CORO2B: variants seen among roughly 807,000 people sequenced by gnomAD.
CORO2B encodes the protein coronin 2B.
A neutral mutation model predicts 58.8 loss-of-function variants in CORO2B; 26 were observed. The ratio of observed to expected loss-of-function variants is 0.44; its 90% confidence interval spans 0.32 to 0.61. The LOEUF (loss-of-function observed/expected upper bound fraction) is 0.61. Ranked by LOEUF, CORO2B falls within the 20% of genes least tolerant of loss-of-function variation. The probability of loss-of-function intolerance (pLI) is 0.04; values close to 1 mark genes in which losing one functional copy is unlikely to be tolerated. For missense variants in CORO2B, 460 were observed against 645.1 expected, an observed-to-expected ratio of 0.71 and a Z score of 3.11; for synonymous variants, 242 against 253.8, an observed-to-expected ratio of 0.95 and a Z score of 0.44.
rs527424101 is a variant in CORO2B, at chr15:68,681,997, C to T, written c.217-13143C>T. ...TCAGCACCAAGACAGCTCCGGAGGG[C>T]CCAGTCCCAGCCCACCCTGGGTAGG... On this transcript the variant is annotated intron_variant, in intron 2 of 11. Transcript: ENST00000261861. Among the ~76,000 whole-genome samples the T allele has an allele frequency of 2.0e-5, 3 of 152,272 alleles. No individual in the cohort carries two copies. In the East Asian group the frequency reaches 5.8e-4, roughly 29 times the overall value.
intron 1 of CORO2B, among the ~76,000 whole-genome samples, chr15:68,616,244 C>G (rs1900354490): frequency 6.6e-6 from 1 of 152,210 alleles, no homozygotes. Flanking sequence ...AATAATACCC[C>G]TGCCTCTTCC....
At chr15:68,534,061 A>C in the CORO2B span, among the ~76,000 whole-genome samples, 1 of 152,178 alleles carries the variant, frequency 6.6e-6, no homozygotes, top group South Asian at 2.1e-4. Flanking sequence ...ATGCATGCTG[A>C]TACTCTTTCC....
intron 2 of CORO2B, among the ~76,000 whole-genome samples, chr15:68,657,975 A>G (rs1216449309): frequency 1.3e-5 from 2 of 152,190 alleles, no homozygotes; most frequent in African/African-American, 4.8e-5. Context: ...GTGGGGAGGG[A>G]GCAATGCAAT....
the CORO2B span, among the ~76,000 whole-genome samples, chr15:68,553,755 C>T: frequency 2.6e-4 from 39 of 152,290 alleles, 1 homozygote; most frequent in South Asian, 5.8e-3. Context: ...GCCCCTGGTG[C>T]GTTTGTGCCC....
At chr15:68,582,301 C>G (rs1415915130) in intron 1 of CORO2B, among the ~76,000 whole-genome samples, 1 of 152,130 alleles carries the variant, frequency 6.6e-6, no homozygotes, top group Non-Finnish European at 1.5e-5. Flanking sequence ...ACCTTACTTT[C>G]TTTATAGGAT....
At chr15:68,715,516 C>A (rs1417369785) in intron 8 of CORO2B, among the ~76,000 whole-genome samples, 1 of 152,268 alleles carries the variant, frequency 6.6e-6, no homozygotes, top group Non-Finnish European at 1.5e-5. Flanking sequence ...GTGCTCACAT[C>A]CACCATCAGC....
chr15:68,592,263 T>C (rs1209402686), intron 1 of CORO2B, among the ~76,000 whole-genome samples: 1 of 152,208 alleles, frequency 6.6e-6, no homozygotes, highest in Admixed American at 6.5e-5. Flanking sequence ...TTGTCATACA[T>C]GTGGTGTAAA....
the CORO2B span, among the ~76,000 whole-genome samples, chr15:68,523,505 C>T: frequency 6.6e-6 from 1 of 152,170 alleles, no homozygotes; most frequent in African/African-American, 2.4e-5. Flanking sequence ...CCCTAAATTC[C>T]AATTTTTGTC....
intron 1 of CORO2B, chr15:68,616,642 C>G (rs1900366871): frequency 3.1e-6 from 3 of 982,718 alleles, no homozygotes; most frequent in East Asian, 2.3e-4. Flanking sequence ...AGCGCGTGGG[C>G]CCCAGCGCAA....
intron 8 of CORO2B, among the ~76,000 whole-genome samples, chr15:68,716,045 G>C (rs1893025413): frequency 2.6e-5 from 4 of 152,148 alleles, no homozygotes; most frequent in Admixed American, 6.6e-5. Flanking sequence ...TTATGGACAG[G>C]GCCTGAGGGC....
chr15:68,587,232 G>A (rs1899590416), intron 1 of CORO2B, among the ~76,000 whole-genome samples: 1 of 152,140 alleles, frequency 6.6e-6, no homozygotes, highest in Admixed American at 6.5e-5. Context: ...CTAAGTGTCT[G>A]CAGTTTGGTG....
intron 3 of CORO2B, among the ~76,000 whole-genome samples, chr15:68,695,604 AG>A (rs1432093415): frequency 1.1e-4 from 17 of 152,182 alleles, no homozygotes; most frequent in Non-Finnish European, 7.4e-5. Context: ...GAGGGAGAAA[AG>A]GAAGGAACTG....
intron 2 of CORO2B, among the ~76,000 whole-genome samples, chr15:68,666,943 G>C (rs1902211869): frequency 6.6e-6 from 1 of 152,120 alleles, no homozygotes; most frequent in Admixed American, 6.5e-5. Context: ...CATGCCCTTG[G>C]GTGAGATTTG....
chr15:68,688,434 A>T (rs986935017), intron 2 of CORO2B, among the ~76,000 whole-genome samples: 1 of 152,196 alleles, frequency 6.6e-6, no homozygotes, highest in African/African-American at 2.4e-5. Flanking sequence ...GCTCAAAGTG[A>T]ATGCTCTTTG....
At chr15:68,654,714 C>T (rs187426871) in intron 2 of CORO2B, among the ~76,000 whole-genome samples, 4 of 152,240 alleles carry the variant, frequency 2.6e-5, no homozygotes, top group Admixed American at 6.5e-5. Context: ...GCACTTAGCA[C>T]GTAGCCTGGC....
At chr15:68,717,564 TTCATCC>T (rs535153796) in intron 8 of CORO2B, among the ~76,000 whole-genome samples, 1 of 152,176 alleles carries the variant, frequency 6.6e-6, no homozygotes, top group Non-Finnish European at 1.5e-5. Flanking sequence ...AATGACTCAC[TTCATCC>T]TCATCCTCAT....
intron 3 of CORO2B, among the ~76,000 whole-genome samples, chr15:68,701,512 G>GTTTTTTTT (rs1392609440): frequency 1.8e-5 from 2 of 109,548 alleles, no homozygotes; most frequent in Non-Finnish European, 4.0e-5. Flanking sequence ...TTGAGACGGA[G>GTTTTTTTT]TTTCGCTCTG....
At chr15:68,617,094 G>T (rs1398608452) in intron 1 of CORO2B, among the ~76,000 whole-genome samples, 2 of 152,180 alleles carry the variant, frequency 1.3e-5, no homozygotes, top group Non-Finnish European at 2.9e-5. Flanking sequence ...TCCAGGTGTT[G>T]TTGGGACTGA....
chr15:68,562,757 G>A, the CORO2B span, among the ~76,000 whole-genome samples: 3 of 151,346 alleles, frequency 2.0e-5, no homozygotes, highest in African/African-American at 7.3e-5. Context: ...GGTGGGTCAC[G>A]AGGGGTCAGG....
Sources: gnomAD v4.1 joint callset for allele counts (sites outside exome capture counted in the v4.1 genomes callset) on GRCh38, gnomAD v4.1.1 for gene constraint, MANE v1.5 for transcripts, NCBI Gene and HGNC (gene_info 2026-07-23, HGNC 2026-07-21) for gene names.